Variants in TRAF3IP2 observed in about 807,000 individuals in gnomAD.
TRAF3IP2 encodes the protein E3 ubiquitin ligase TRAF3IP2.
TRAF3IP2 carries 35 observed loss-of-function variants against 57.9 expected under a neutral mutation model. The observed-to-expected ratio is 0.60, with a 90% confidence interval of 0.46 to 0.80. The LOEUF (loss-of-function observed/expected upper bound fraction) is 0.80, where lower values mean the gene tolerates loss of function less well. TRAF3IP2 is among the 30% of genes least tolerant of loss of function. The probability of loss-of-function intolerance (pLI) is 0.00; values close to 1 mark genes in which losing one functional copy is unlikely to be tolerated. For synonymous variants in TRAF3IP2, 251 were observed against 268.9 expected (o/e 0.93, Z 0.65); for missense variants, 556 against 706.4 (o/e 0.79, Z 2.41).
In TRAF3IP2 at chr6:111,559,107, G is replaced by C. The variant is rs1347314441; in HGVS notation, c.*298C>G. On this transcript the variant is annotated 3_prime_UTR_variant, in exon 9 of 9. Transcript: ENST00000368761. The stretch of plus-strand genomic sequence containing the variant: ...TTACATTATCTACTTGCTAAGCACT[G>C]AGAGGCCCAGAATGGACACATCAAA... 1.3e-5 allele frequency: 4 copies of C among 308,178 alleles called. No homozygotes were observed. Among genetic ancestry groups the C allele is most frequent in the Non-Finnish European group, 2.4e-5 (4 of 166,986 alleles). The allele number at this position is 308,178 out of a possible 1,614,324, so 19.1% of individuals were successfully genotyped here. A position where few individuals can be genotyped will look rare whatever the true frequency, so the allele number is the denominator to read the frequency against.
At chr6:111,567,430 C>T (rs1187454231) in intron 6 of TRAF3IP2, 194 bp downstream of exon 6, 7 of 1,311,194 alleles carry the variant, frequency 5.3e-6, no homozygotes, top group Non-Finnish European at 6.8e-6. Context: ...TATTTCCTGC[C>T]TGTGCATGTC....
intron 1 of TRAF3IP2, among the ~76,000 whole-genome samples, chr6:111,603,281 G>C (rs996450007): frequency 6.6e-6 from 1 of 152,182 alleles, no homozygotes; most frequent in Admixed American, 6.5e-5. Flanking sequence ...GAAGAAACAG[G>C]AGAGGCCCGG....
Position 111,591,540 on chromosome 6 carries a change from G to A in TRAF3IP2, c.547C>T (p.Pro183Ser). ...GSQEMVQRPQ[P>S]HRNRAGLDLP... Reference sequence around the variant, plus strand: ...TCCAGGCCTGCTCGGTTCCTGTGAGGCTGGGGCCGTTGCACCATCTCCTGG... The same window carrying A: ...TCCAGGCCTGCTCGGTTCCTGTGAGACTGGGGCCGTTGCACCATCTCCTGG... The change falls in exon 2 of 9, where the codon CCT becomes TCT. Residue 183 changes from proline to serine, a missense_variant. Transcript: ENST00000368761. The surrounding 1 kb of genome is among the most constrained non-coding windows in gnomAD (Gnocchi z 4.9). 1 of 1,614,210 alleles carries A rather than the reference G, an allele frequency of 6.2e-7. No individual in the cohort carries two copies. The highest frequency in any genetic ancestry group is 2.2e-5 in the East Asian group (1 of 44,886).
At chr6:111,599,494 G>A (rs1796800430) in intron 1 of TRAF3IP2, among the ~76,000 whole-genome samples, 1 of 152,078 alleles carries the variant, frequency 6.6e-6, no homozygotes, top group Admixed American at 6.6e-5. Context: ...CTCCCTTGGT[G>A]TCCCAGTGAC....
intron 1 of TRAF3IP2, among the ~76,000 whole-genome samples, chr6:111,603,090 A>G (rs1041145453): frequency 6.3e-5 from 9 of 142,448 alleles, no homozygotes; most frequent in African/African-American, 1.1e-4. Flanking sequence ...GTGTGCACAC[A>G]CACACACACA....
intron 2 of TRAF3IP2, among the ~76,000 whole-genome samples, chr6:111,581,972 C>T (rs1345769755): frequency 1.3e-5 from 2 of 152,016 alleles, no homozygotes; most frequent in East Asian, 1.9e-4. Flanking sequence ...GGCAAGACTC[C>T]GTCTCAAAAA....
intron 3 of TRAF3IP2, among the ~76,000 whole-genome samples, chr6:111,578,863 A>G (rs927819467): frequency 1.2e-4 from 19 of 152,238 alleles, no homozygotes; most frequent in African/African-American, 4.6e-4. Flanking sequence ...TAAAAACAGA[A>G]TCTAGTTTTA....
At chr6:111,560,183 A>G (rs941571977) in intron 8 of TRAF3IP2, among the ~76,000 whole-genome samples, 9 of 152,184 alleles carry the variant, frequency 5.9e-5, no homozygotes, top group Non-Finnish European at 1.2e-4. Flanking sequence ...CAAGGGTGAA[A>G]GATTTGCAGT....
chr6:111,584,725 T>C (rs1796277228), intron 2 of TRAF3IP2, among the ~76,000 whole-genome samples: 1 of 151,640 alleles, frequency 6.6e-6, no homozygotes, highest in Non-Finnish European at 1.5e-5. Flanking sequence ...ACTGCTAAAG[T>C]TTTAATCATT....
chr6:111,566,986 G>A (rs1362404645), intron 6 of TRAF3IP2: 4 of 266,356 alleles, frequency 1.5e-5, no homozygotes, highest in Non-Finnish European at 2.8e-5. Context: ...AGCACAGTCA[G>A]TAGGAACAGA....
At chr6:111,561,892 G>A (rs986888918) in intron 8 of TRAF3IP2, among the ~76,000 whole-genome samples, 1 of 152,154 alleles carries the variant, frequency 6.6e-6, no homozygotes, top group African/African-American at 2.4e-5. Context: ...TGACAGCAGT[G>A]AGACCCTGGG....
intron 1 of TRAF3IP2, among the ~76,000 whole-genome samples, chr6:111,598,840 C>T (rs1796774182): frequency 6.6e-6 from 1 of 152,176 alleles, no homozygotes; most frequent in African/African-American, 2.4e-5. Flanking sequence ...GAATGAGGAA[C>T]TCATGACACC....
chr6:111,569,990 A>C (rs1795778904), intron 5 of TRAF3IP2, among the ~76,000 whole-genome samples: 1 of 151,986 alleles, frequency 6.6e-6, no homozygotes, highest in Non-Finnish European at 1.5e-5. Context: ...CTATCTCCCT[A>C]CCCTACCTCA....
Position 111,575,786 on chromosome 6 carries a change from C to T in TRAF3IP2, c.1058G>A (p.Gly353Asp), listed in dbSNP as rs148619849. 90 of 1,609,504 alleles carry T rather than the reference C, an allele frequency of 5.6e-5. No homozygotes were observed. The African/African-American group carries it at 1.1e-3, about 19-fold the overall frequency. Residue 353 changes from glycine (G) to aspartate (D), a missense_variant, in exon 4 of 9, where the codon GGT becomes GAT. By Grantham distance (94) the Gly-to-Asp change is moderately conservative. Around this residue, in one of 2 missense-constraint regions of TRAF3IP2, gnomAD observed 428 missense variants for 498.7 expected, o/e 0.86. Transcript: ENST00000368761. Reference protein sequence around the residue: ...QPHHQPPNRAGAPGESLECPA... With the variant: ...QPHHQPPNRADAPGESLECPA... ...GCACTCCAAGGACTCCCCAGGAGCA[C>T]CAGCTCTATTAGGTGGCTGGTGATG...
intron 2 of TRAF3IP2, among the ~76,000 whole-genome samples, chr6:111,588,073 TTCTC>T (rs1263850573): frequency 6.6e-6 from 1 of 152,216 alleles, no homozygotes; most frequent in South Asian, 2.1e-4. Context: ...GAATATTCAT[TTCTC>T]TCTAACTCCA....
chr6:111,557,495 T>C lies in TRAF3IP2; in HGVS notation c.*1910A>G, dbSNP rs1795283885. The C allele has an allele frequency of 1.4e-5, 2 of 139,666 alleles. No homozygotes were observed. The highest frequency in any genetic ancestry group is 5.2e-4 in the South Asian group (2 of 3,862). The allele number at this position is 139,666 out of a possible 1,614,324, so 8.7% of individuals were successfully genotyped here. ...CCCAGGCTGGAGTGCAGTGGCGCAATCTCGGCTCACTGCAAGCTCCGCCTC... is the reference window on the plus strand; with the variant it reads ...CCCAGGCTGGAGTGCAGTGGCGCAACCTCGGCTCACTGCAAGCTCCGCCTC... On this transcript the variant is annotated 3_prime_UTR_variant, in exon 9 of 9. Transcript: ENST00000368761.
intron 1 of TRAF3IP2, among the ~76,000 whole-genome samples, chr6:111,602,508 A>G (rs975250709): frequency 4.6e-5 from 7 of 152,170 alleles, no homozygotes; most frequent in South Asian, 2.1e-4. Context: ...AGAAGTAAGG[A>G]AAGTGGGGAA....
chr6:111,570,715 A>G (rs891771449), intron 5 of TRAF3IP2, among the ~76,000 whole-genome samples: 3 of 152,140 alleles, frequency 2.0e-5, no homozygotes, highest in Admixed American at 6.5e-5. Flanking sequence ...CTTTTCTGAA[A>G]TGCTGGCCTT....
At chr6:111,573,414 C>T (rs929101887) in intron 4 of TRAF3IP2, 7 of 156,154 alleles carry the variant, frequency 4.5e-5, no homozygotes, top group African/African-American at 1.7e-4. Flanking sequence ...TTCTTTTGAT[C>T]TCCTGATGCT....
Sources: allele counts gnomAD v4.1 joint callset (sites outside exome capture counted in the v4.1 genomes callset), GRCh38; gene constraint gnomAD v4.1.1; regional missense constraint gnomAD v4.1.1; non-coding constraint Gnocchi (gnomAD v3.1); transcripts MANE v1.5; gene names NCBI Gene and HGNC (gene_info 2026-07-23, HGNC 2026-07-21).